CALN1: variants seen among roughly 807,000 people sequenced by gnomAD.
CALN1 encodes calcium-binding protein 8.
In CALN1, 17 loss-of-function variants were observed where a neutral mutation model predicts 30.6. That is an observed-to-expected ratio of 0.56 (90% CI 0.38 to 0.83). CALN1 has a LOEUF of 0.83. CALN1 is among the 40% of genes least tolerant of loss of function. The probability of loss-of-function intolerance (pLI) is 0.00; values close to 1 mark genes in which losing one functional copy is unlikely to be tolerated. For synonymous variants in CALN1, 156 were observed against 131.4 expected, an observed-to-expected ratio of 1.19 and a Z score of -1.28; for missense variants, 291 against 354.9, an observed-to-expected ratio of 0.82 and a Z score of 1.45.
At chr7:72,299,849 T>A (rs1799133350) in intron 2 of CALN1, among the ~76,000 whole-genome samples, 1 of 152,004 alleles carries the variant, frequency 6.6e-6, no homozygotes, top group South Asian at 2.1e-4. Flanking sequence ...TATCTGCTTT[T>A]TCAATGGGGG....
rs1018958764 is a variant in CALN1 at position 72,178,424 on chromosome 7, G to A, written c.245-72130C>T. 7.2e-5 allele frequency among the ~76,000 whole-genome samples: 11 copies of A among 152,136 alleles called. 1 individual carries two copies. The highest frequency in any genetic ancestry group is 1.5e-5 in the Non-Finnish European group (1 of 68,024). ...AAGGGTTCCTTGGGCCAGGAGCGGT[G>A]GCTCATGTCTGTAATCCCAGCACTT... is the stretch of plus-strand genomic sequence containing the variant. On this transcript the variant is annotated intron_variant, in intron 3 of 6. Coordinates refer to ENST00000395275, the MANE Select transcript of CALN1 (RefSeq NM_031468.4).
At chr7:72,456,624 G>C in the CALN1 span, among the ~76,000 whole-genome samples, 1 of 152,080 alleles carries the variant, frequency 6.6e-6, no homozygotes, top group Non-Finnish European at 1.5e-5. Context: ...GGCCGAGGCT[G>C]GCAGACTGCT....
chr7:71,787,509 C>G lies in CALN1; in HGVS notation c.*266G>C. On this transcript the variant is annotated 3_prime_UTR_variant, in exon 7 of 7. Transcript: ENST00000395275. ...CTAGAGTTATGACTGATGGTTGAAG[C>G]AATAATTTGGAAATCCTGGCGATTT... The G allele has an allele frequency of 5.2e-6, 2 of 383,864 alleles. No homozygotes were observed. Among genetic ancestry groups the G allele is most frequent in the South Asian group, 8.5e-5 (2 of 23,662 alleles). 23.8% of individuals were successfully genotyped at this position (383,864 alleles called of 1,614,324 possible). A position where few individuals can be genotyped will look rare whatever the true frequency, so the allele number is the denominator to read the frequency against.
At chr7:72,397,626 A>C (rs373149921) in intron 2 of CALN1, among the ~76,000 whole-genome samples, 13 of 151,874 alleles carry the variant, frequency 8.6e-5, no homozygotes, top group Non-Finnish European at 1.6e-4. Flanking sequence ...ATGGTTAGGA[A>C]CAAGCACATG....
chr7:72,102,890 T>C (rs1402628970), intron 4 of CALN1, among the ~76,000 whole-genome samples: 4 of 151,946 alleles, frequency 2.6e-5, no homozygotes, highest in South Asian at 2.1e-4. Flanking sequence ...CTGCCCACCA[T>C]GGTGAAACCC....
chr7:72,220,237 T>C lies in CALN1; in HGVS notation c.244+58449A>G, dbSNP rs1294795934. ...CCCTGGAGTGTGATGTTCCCCTTCC[T>C]GTGTCCATGTGTTCTCATTGTTCAA... On this transcript the variant is annotated intron_variant, in intron 3 of 6. Transcript: ENST00000395275. 3.8e-5 allele frequency among the ~76,000 whole-genome samples: 5 copies of C among 132,292 alleles called. No individual in the cohort carries two copies. The East Asian group carries it at 9.3e-4, about 25-fold the overall frequency. 86.8% of individuals were successfully genotyped at this position (132,292 alleles called of 152,430 possible). A position where few individuals can be genotyped will look rare whatever the true frequency, so the allele number is the denominator to read the frequency against.
At chr7:71,810,551 G>T (rs1787889381) in intron 5 of CALN1, 59 bp from the exon 6 acceptor site, 1 of 1,569,528 alleles carries the variant, frequency 6.4e-7, no homozygotes, top group South Asian at 1.2e-5. Flanking sequence ...AAGTTGGCTC[G>T]GGCCATGACA....
intron 6 of CALN1, among the ~76,000 whole-genome samples, chr7:71,809,951 GC>G (rs1787846452): frequency 1.3e-5 from 2 of 151,950 alleles, no homozygotes; most frequent in South Asian, 4.2e-4. Flanking sequence ...TCCATCCTTT[GC>G]CCAAGGTCAC....
intron 2 of CALN1, among the ~76,000 whole-genome samples, chr7:72,281,926 A>G (rs894539698): frequency 1.3e-5 from 2 of 152,148 alleles, no homozygotes; most frequent in Non-Finnish European, 2.9e-5. Context: ...ATATACCAAC[A>G]TAATTTGCTT....
At chr7:72,254,785 C>CAA (rs1170792600) in intron 3 of CALN1, among the ~76,000 whole-genome samples, 1 of 152,004 alleles carries the variant, frequency 6.6e-6, no homozygotes. Context: ...CCCGCTGAGA[C>CAA]AGAGTCTTGC....
intron 2 of CALN1, among the ~76,000 whole-genome samples, chr7:72,309,285 T>C (rs1321496594): frequency 6.6e-6 from 1 of 152,224 alleles, no homozygotes; most frequent in Admixed American, 6.5e-5. Context: ...CCTGTTCATC[T>C]TTCTGAAGTC....
At chr7:72,336,148 G>C (rs1802015951) in intron 2 of CALN1, among the ~76,000 whole-genome samples, 1 of 151,774 alleles carries the variant, frequency 6.6e-6, no homozygotes, top group Non-Finnish European at 1.5e-5. Context: ...AGGAGCGTGC[G>C]CCCAGAAAGG....
intron 5 of CALN1, among the ~76,000 whole-genome samples, chr7:71,932,875 T>C (rs1003031524): frequency 6.6e-6 from 1 of 151,984 alleles, no homozygotes; most frequent in African/African-American, 2.4e-5. Context: ...GGAAGATTTT[T>C]ATTCTGATAC....
intron 3 of CALN1, among the ~76,000 whole-genome samples, chr7:72,119,553 T>TTG (rs1189215097): frequency 6.6e-6 from 1 of 151,288 alleles, no homozygotes; most frequent in African/African-American, 2.4e-5. Context: ...ACATAGGATA[T>TTG]TGTATTAGTC....
intron 5 of CALN1, among the ~76,000 whole-genome samples, chr7:71,817,141 C>T (rs1252347980): frequency 6.6e-6 from 1 of 152,132 alleles, no homozygotes; most frequent in Admixed American, 6.5e-5. Context: ...ACAATGTGTA[C>T]CCCATGCCAA....
At chr7:72,201,976 C>T (rs1257237019) in intron 3 of CALN1, among the ~76,000 whole-genome samples, 1 of 152,100 alleles carries the variant, frequency 6.6e-6, no homozygotes, top group Non-Finnish European at 1.5e-5. Context: ...CATGGAGATG[C>T]GTAAAACCCT....
chr7:72,068,788 G>T (rs372417561), intron 4 of CALN1, among the ~76,000 whole-genome samples: 7 of 152,184 alleles, frequency 4.6e-5, no homozygotes, highest in African/African-American at 1.2e-4. Context: ...ACCGCACTGG[G>T]CCGGGCCTCA....
intron 3 of CALN1, among the ~76,000 whole-genome samples, chr7:72,162,531 C>T (rs927403343): frequency 2.0e-5 from 3 of 151,158 alleles, no homozygotes; most frequent in Admixed American, 1.3e-4. Context: ...GACAGGAGTT[C>T]GAGATCAGCC....
chr7:72,333,759 C>A (rs140077314), intron 2 of CALN1, among the ~76,000 whole-genome samples: 1 of 151,758 alleles, frequency 6.6e-6, no homozygotes, highest in Non-Finnish European at 1.5e-5. Flanking sequence ...TACAGGCACA[C>A]GTGACAAAGA....
Sources: allele counts gnomAD v4.1 joint callset (sites outside exome capture counted in the v4.1 genomes callset), GRCh38; gene constraint gnomAD v4.1.1; transcripts MANE v1.5; gene names NCBI Gene and HGNC (gene_info 2026-07-23, HGNC 2026-07-21).